The following ADCY5 variants were observed in gnomAD, a reference collection of about 807,000 sequenced individuals.
ADCY5 encodes adenylate cyclase type 5.
In ADCY5, 30 loss-of-function variants were observed where a neutral mutation model predicts 119.7. That is an observed-to-expected ratio of 0.25 (90% CI 0.19 to 0.34). The LOEUF (loss-of-function observed/expected upper bound fraction) is 0.34. Ranked by LOEUF, ADCY5 falls within the 10% of genes least tolerant of loss-of-function variation. ADCY5 has a pLI of 1.00. For synonymous variants in ADCY5, 753 were observed against 762.2 expected (o/e 0.99, Z 0.20); for missense variants, 1,324 against 1,775.2 (o/e 0.75, Z 4.57).
Position 123,348,061 on chromosome 3 carries a change from G to GTGTGTGTGTGTGTGTGTGTC in ADCY5, c.1285-159_1285-158insGACACACACACACACACACA, listed in dbSNP as rs1347982680. ...AGTGTGTGTGTGTGTGTGTGTGTGTGTGTCTGTGCATGTGTGTGTATGTGT... is the reference window on the plus strand; with the variant it reads ...AGTGTGTGTGTGTGTGTGTGTGTGTGTGTGTGTGTGTGTGTGTGTCTGTCTGTGCATGTGTGTGTATGTGT... On this transcript the variant is annotated intron_variant, in intron 2 of 20. Coordinates refer to ENST00000462833, the MANE Select transcript of ADCY5 (RefSeq NM_183357.3). 1.4e-3 allele frequency among the ~76,000 whole-genome samples: 209 copies of GTGTGTGTGTGTGTGTGTGTC among 150,748 alleles called. 2 individuals carry two copies. The highest frequency in any genetic ancestry group is 4.8e-3 in the African/African-American group (194 of 40,782).
intron 1 of ADCY5, among the ~76,000 whole-genome samples, chr3:123,426,302 T>TTTTTTTTTGTTG (rs1313813413): frequency 1.2e-4 from 1 of 8,442 alleles, no homozygotes; most frequent in Admixed American, 2.2e-3. Context: ...CTTTTGTGTT[T>TTTTTTTTTGTTG]TTTTTTTGTT....
chr3:123,415,586 C>T (rs529911446), intron 1 of ADCY5, among the ~76,000 whole-genome samples: 4 of 152,258 alleles, frequency 2.6e-5, no homozygotes, highest in East Asian at 3.9e-4. Flanking sequence ...AACCAGAAAG[C>T]GGAGGTGGCA....
chr3:123,448,571 T>G lies in ADCY5; in HGVS notation c.-26A>C, dbSNP rs1169748276. ...CCCCCCCTCGGCCTCGTCGTCTCCTTCCTCCTCCCCCGGAAGCCGGGCCGG... is the reference window on the plus strand; with the variant it reads ...CCCCCCCTCGGCCTCGTCGTCTCCTGCCTCCTCCCCCGGAAGCCGGGCCGG... On this transcript the variant is annotated 5_prime_UTR_variant, in exon 1 of 21. Transcript: ENST00000462833. 2 of 1,260,458 alleles carry G rather than the reference T, an allele frequency of 1.6e-6. No individual in the cohort carries two copies. Among genetic ancestry groups the G allele is most frequent in the Non-Finnish European group, 2.0e-6 (2 of 1,004,434 alleles). The allele number at this position is 1,260,458 out of a possible 1,614,324, so 78.1% of individuals were successfully genotyped here.
chr3:123,359,938 T>C (rs1374097961), intron 1 of ADCY5, among the ~76,000 whole-genome samples: 1 of 152,162 alleles, frequency 6.6e-6, no homozygotes, highest in Non-Finnish European at 1.5e-5. Context: ...GGAACCTCAG[T>C]GGAACCCCAT....
chr3:123,447,508 G>A lies in ADCY5; in HGVS notation c.1038C>T (p.Arg346=), dbSNP rs1224260865. 6.2e-7 allele frequency: 1 copy of A among 1,611,542 alleles called. No individual in the cohort carries two copies. Among genetic ancestry groups the A allele is most frequent in the Non-Finnish European group, 8.5e-7 (1 of 1,179,630 alleles). Residue 346 remains arginine, a synonymous_variant, in exon 1 of 21, where the codon CGC becomes CGT. Transcript: ENST00000462833. ...IYTIYTLLPV[R]MRAAVLSGVL... ...CCCCGCTGAGCACTGCGGCCCGCAT[G>A]CGCACGGGCAGCAGCGTGTAGATGG...
At chr3:123,396,057 G>GGAGGGAGA (rs1944548013) in intron 1 of ADCY5, among the ~76,000 whole-genome samples, 2 of 61,608 alleles carry the variant, frequency 3.2e-5, no homozygotes, top group Non-Finnish European at 7.0e-5. Flanking sequence ...AGAGAGGGAG[G>GGAGGGAGA]GAGGGTGGGA....
At chr3:123,439,253 G>A (rs1945681398) in intron 1 of ADCY5, among the ~76,000 whole-genome samples, 1 of 151,308 alleles carries the variant, frequency 6.6e-6, no homozygotes, top group African/African-American at 2.4e-5. Flanking sequence ...TAGTAGAGAC[G>A]GGGTTTCACC....
chr3:123,337,754 A>G (rs559740755), intron 3 of ADCY5, among the ~76,000 whole-genome samples: 1 of 152,346 alleles, frequency 6.6e-6, no homozygotes, highest in South Asian at 2.1e-4. Context: ...GCTTCCAAAT[A>G]AAACTACATT....
intron 15 of ADCY5, among the ~76,000 whole-genome samples, chr3:123,298,829 A>ATTTTTTTTT (rs1939668224): frequency 1.7e-4 from 1 of 5,810 alleles, no homozygotes; most frequent in African/African-American, 5.9e-4. Context: ...CAAAACTGTC[A>ATTTTTTTTT]CTTTTTTTTT....
chr3:123,297,098 G>A, intron 16 of ADCY5: 1 of 1,505,026 alleles, frequency 6.6e-7, no homozygotes, highest in East Asian at 2.5e-5. Flanking sequence ...TGAGGCCTAT[G>A]GGATGATCTG....
chr3:123,410,509 C>T (rs569131852), intron 1 of ADCY5, among the ~76,000 whole-genome samples: 1 of 152,332 alleles, frequency 6.6e-6, no homozygotes, highest in East Asian at 1.9e-4. Flanking sequence ...CTCTGTCTGC[C>T]TTTGGAATGA....
chr3:123,366,005 G>A (rs531517925), intron 1 of ADCY5, among the ~76,000 whole-genome samples: 7 of 152,256 alleles, frequency 4.6e-5, no homozygotes, highest in African/African-American at 1.7e-4. Flanking sequence ...CAGTGTGGCT[G>A]GTCTGAAGTG....
At chr3:123,351,191 G>C (rs1942824086) in intron 2 of ADCY5, among the ~76,000 whole-genome samples, 1 of 152,044 alleles carries the variant, frequency 6.6e-6, no homozygotes, top group African/African-American at 2.4e-5. Context: ...GTGGGGACTG[G>C]GGGGCCTGGA....
chr3:123,330,357 G>A (rs1335504552), intron 5 of ADCY5, among the ~76,000 whole-genome samples: 1 of 152,256 alleles, frequency 6.6e-6, no homozygotes, highest in Non-Finnish European at 1.5e-5. Flanking sequence ...TGTGGCCAGT[G>A]ATAGCCATGA....
chr3:123,351,480 G>A (rs1411463352), intron 2 of ADCY5, among the ~76,000 whole-genome samples: 2 of 152,200 alleles, frequency 1.3e-5, no homozygotes, highest in South Asian at 2.1e-4. Flanking sequence ...GCACTTAGAT[G>A]AGCTCCACTG....
At chr3:123,360,831 A>G (rs910968306) in intron 1 of ADCY5, among the ~76,000 whole-genome samples, 2 of 152,214 alleles carry the variant, frequency 1.3e-5, no homozygotes, top group Admixed American at 6.5e-5. Flanking sequence ...ATAGTCTGCA[A>G]AACACTTTCT....
At position 123,400,686 on chromosome 3, in the gene ADCY5, C is replaced by T. The variant is rs1484948853; in HGVS notation, c.1134+46726G>A. Among the ~76,000 whole-genome samples the T allele has an allele frequency of 2.6e-5, 4 of 152,174 alleles. No individual in the cohort carries two copies. In the East Asian group the frequency reaches 7.7e-4, roughly 29 times the overall value. ...TATGGGCCAGGCACGGTGGCTCACG[C>T]CTGTAATCCCAGCACTTTGGGAGGC... On this transcript the variant is annotated intron_variant, in intron 1 of 20. Coordinates refer to ENST00000462833, the MANE Select transcript of ADCY5 (RefSeq NM_183357.3).
At chr3:123,347,522 TCTC>T (rs1329860007) in intron 3 of ADCY5, among the ~76,000 whole-genome samples, 1 of 152,042 alleles carries the variant, frequency 6.6e-6, no homozygotes, top group Non-Finnish European at 1.5e-5. Flanking sequence ...CTTCCTCCTT[TCTC>T]CTCCTCCTGT....
intron 3 of ADCY5, among the ~76,000 whole-genome samples, chr3:123,347,225 T>C (rs1223825532): frequency 6.6e-6 from 1 of 152,208 alleles, no homozygotes; most frequent in Non-Finnish European, 1.5e-5. Context: ...CTTTAAACTT[T>C]TTATTACAGA....
Sources: gnomAD v4.1 joint callset for allele counts (sites outside exome capture counted in the v4.1 genomes callset) on GRCh38, gnomAD v4.1.1 for gene constraint, MANE v1.5 for transcripts, NCBI Gene and HGNC (gene_info 2026-07-23, HGNC 2026-07-21) for gene names.